Variants in GALNTL6 observed in about 807,000 individuals in gnomAD.
GALNTL6 encodes the protein polypeptide N-acetylgalactosaminyltransferase like 6, also known as polypeptide N-acetylgalactosaminyltransferase-like 6.
In GALNTL6, 46 loss-of-function variants were observed where a neutral mutation model predicts 73.7. That is an observed-to-expected ratio of 0.62 (90% CI 0.49 to 0.80). The LOEUF (loss-of-function observed/expected upper bound fraction) is 0.80, where lower values mean the gene tolerates loss of function less well. GALNTL6 is among the 30% of genes least tolerant of loss of function. The pLI is 0.00. For synonymous variants in GALNTL6, 259 were observed against 263.7 expected, an observed-to-expected ratio of 0.98 and a Z score of 0.17; for missense variants, 604 against 755.0, an observed-to-expected ratio of 0.80 and a Z score of 2.34.
intron 7 of GALNTL6, among the ~76,000 whole-genome samples, chr4:172,815,992 G>A (rs1038315214): frequency 1.3e-5 from 2 of 152,132 alleles, no homozygotes; most frequent in African/African-American, 2.4e-5. Context: ...TCATTATCAC[G>A]GCAGTCACCT....
intron 5 of GALNTL6, among the ~76,000 whole-genome samples, chr4:172,484,162 C>T (rs1733592300): frequency 1.3e-5 from 2 of 152,148 alleles, no homozygotes; most frequent in Non-Finnish European, 1.5e-5. Context: ...AACACTTGTG[C>T]TAGATTTTTG....
Position 172,694,569 on chromosome 4 carries a change from A to G in GALNTL6, c.554-114792A>G, listed in dbSNP as rs372125365. Among the ~76,000 whole-genome samples the G allele has an allele frequency of 8.5e-5, 13 of 152,276 alleles. No individual in the cohort carries two copies. In the South Asian group the frequency reaches 2.3e-3, roughly 27 times the overall value. On this transcript the variant is annotated intron_variant, in intron 5 of 12. Coordinates refer to ENST00000506823, the MANE Select transcript of GALNTL6 (RefSeq NM_001034845.3). ...ATTGATGCAACTGCCCTATTTCTGT[A>G]AAGGACTTCTCAGTGTTGAGCATAT...
At chr4:172,065,679 A>G (rs776189380) in intron 2 of GALNTL6, among the ~76,000 whole-genome samples, 3 of 152,112 alleles carry the variant, frequency 2.0e-5, no homozygotes, top group Non-Finnish European at 2.9e-5. Flanking sequence ...GTGTTAGTCC[A>G]TTCTCACGCT....
intron 2 of GALNTL6, among the ~76,000 whole-genome samples, chr4:171,875,802 TG>T (rs1387623709): frequency 6.7e-6 from 1 of 150,060 alleles, no homozygotes; most frequent in African/African-American, 2.5e-5. Context: ...CTCTGGGGCA[TG>T]GGATTTTCCA....
At chr4:172,831,243 T>C (rs573533459) in intron 7 of GALNTL6, among the ~76,000 whole-genome samples, 1 of 141,896 alleles carries the variant, frequency 7.0e-6, no homozygotes, top group African/African-American at 2.7e-5. Context: ...AATATATGGG[T>C]GCTGGCTGTT....
chr4:172,981,068 A>G (rs757852756), intron 10 of GALNTL6, among the ~76,000 whole-genome samples: 10 of 152,214 alleles, frequency 6.6e-5, no homozygotes, highest in Non-Finnish European at 1.5e-4. Flanking sequence ...CATTGAATGT[A>G]TATACCACAT....
intron 2 of GALNTL6, among the ~76,000 whole-genome samples, chr4:171,850,424 T>C (rs1242348394): frequency 1.3e-5 from 2 of 152,172 alleles, no homozygotes; most frequent in Admixed American, 6.5e-5. Flanking sequence ...GCTGTTGTTA[T>C]GGCTTGTGGA....
intron 5 of GALNTL6, among the ~76,000 whole-genome samples, chr4:172,481,657 A>T (rs1234131421): frequency 6.6e-6 from 1 of 152,186 alleles, no homozygotes; most frequent in Admixed American, 6.5e-5. Flanking sequence ...CTAGCTAGAC[A>T]TAAAAGTTCT....
chr4:172,578,838 A>T (rs115511897), intron 5 of GALNTL6, among the ~76,000 whole-genome samples: 2,244 of 152,338 alleles, frequency 0.015, 21 homozygotes, highest in Middle Eastern at 0.031. Flanking sequence ...GTGACAAAGA[A>T]ATTCAAATCT....
intron 5 of GALNTL6, among the ~76,000 whole-genome samples, chr4:172,712,436 TC>T (rs981990723): frequency 6.6e-6 from 1 of 152,064 alleles, no homozygotes; most frequent in African/African-American, 2.4e-5. Flanking sequence ...ATGCTATCCC[TC>T]CCCACTCCCC....
chr4:172,542,995 G>T (rs1735625239), intron 5 of GALNTL6, among the ~76,000 whole-genome samples: 1 of 152,114 alleles, frequency 6.6e-6, no homozygotes, highest in Non-Finnish European at 1.5e-5. Context: ...TACTCGGGAG[G>T]CTGAGACAGA....
intron 2 of GALNTL6, chr4:172,052,388 T>A: frequency 7.4e-7 from 1 of 1,346,994 alleles, no homozygotes; most frequent in Non-Finnish European, 1.0e-6. Flanking sequence ...CTTCACATCC[T>A]TCATAGTAAC....
chr4:172,108,534 G>T (rs969590675), intron 2 of GALNTL6, among the ~76,000 whole-genome samples: 1 of 151,932 alleles, frequency 6.6e-6, no homozygotes, highest in East Asian at 1.9e-4. Flanking sequence ...CAATTTATTG[G>T]GTGAGTAAAG....
At chr4:172,311,038 T>C (rs1290583945) in intron 3 of GALNTL6, among the ~76,000 whole-genome samples, 1 of 152,106 alleles carries the variant, frequency 6.6e-6, no homozygotes, top group Admixed American at 6.5e-5. Context: ...GAGGAATATA[T>C]ATTTTACTGA....
At chr4:172,887,947 A>G (rs1023828063) in intron 8 of GALNTL6, among the ~76,000 whole-genome samples, 10 of 152,246 alleles carry the variant, frequency 6.6e-5, no homozygotes, top group African/African-American at 2.4e-4. Context: ...TTATCTTACA[A>G]TTGGTGATGT....
chr4:172,672,582 A>G (rs1732050251), intron 5 of GALNTL6, among the ~76,000 whole-genome samples: 1 of 152,242 alleles, frequency 6.6e-6, no homozygotes, highest in African/African-American at 2.4e-5. Context: ...TGGTTTCAGT[A>G]GAAATGGTAT....
At chr4:172,658,209 G>C (rs1217032031) in intron 5 of GALNTL6, among the ~76,000 whole-genome samples, 1 of 144,372 alleles carries the variant, frequency 6.9e-6, no homozygotes, top group East Asian at 2.0e-4. Flanking sequence ...GCTCATGCCT[G>C]TAATCCCAGC....
At chr4:172,319,950 CA>C (rs1304708355) in intron 4 of GALNTL6, among the ~76,000 whole-genome samples, 1 of 152,150 alleles carries the variant, frequency 6.6e-6, no homozygotes, top group Non-Finnish European at 1.5e-5. Flanking sequence ...TCTCCCAACT[CA>C]GCAAGTCAGA....
At chr4:171,886,678 G>C (rs988082269) in intron 2 of GALNTL6, among the ~76,000 whole-genome samples, 1 of 152,118 alleles carries the variant, frequency 6.6e-6, no homozygotes, top group Non-Finnish European at 1.5e-5. Context: ...CAAGAGAAAA[G>C]AGCTTGTGCA....
Sources: gnomAD v4.1 joint callset for allele counts (sites outside exome capture counted in the v4.1 genomes callset) on GRCh38, gnomAD v4.1.1 for gene constraint, MANE v1.5 for transcripts, NCBI Gene and HGNC (gene_info 2026-07-23, HGNC 2026-07-21) for gene names.